SNX25: variants seen among roughly 807,000 people sequenced by gnomAD.
SNX25 encodes sorting nexin-25.
In SNX25, 62 loss-of-function variants were observed where a neutral mutation model predicts 113.7. The ratio of observed to expected loss-of-function variants is 0.55; its 90% CI spans 0.44 to 0.67. The LOEUF is 0.67. Ranked by LOEUF, SNX25 falls within the 30% of genes least tolerant of loss-of-function variation. SNX25 has a pLI of 0.00. For missense variants in SNX25, 1,014 were observed against 1,161.0 expected (o/e 0.87, Z 1.84); for synonymous variants, 421 against 436.2 (o/e 0.97, Z 0.43).
At chr4:185,290,706 T>C (rs755598339) in intron 6 of SNX25, among the ~76,000 whole-genome samples, 27 of 152,242 alleles carry the variant, frequency 1.8e-4, no homozygotes, top group Non-Finnish European at 3.4e-4. Flanking sequence ...TCTGGTTGAA[T>C]TTTAATTATA....
Position 185,280,596 on chromosome 4 carries a change from C to T in SNX25, c.1092-7416C>T, listed in dbSNP as rs545859510. 7.2e-5 allele frequency among the ~76,000 whole-genome samples: 11 copies of T among 152,256 alleles called. 1 individual carries two copies. The highest frequency in any genetic ancestry group is 2.2e-4 in the African/African-American group (9 of 41,544). The stretch of plus-strand genomic sequence containing the variant: ...GCAGACTGAGAAAGTAAAATCTGCC[C>T]AGCCATTTATCAGGCTGGTATAACA... On this transcript the variant is annotated intron_variant, in intron 5 of 18. Transcript: ENST00000652585.
chr4:185,306,589 C>T (rs1049070958), intron 6 of SNX25, among the ~76,000 whole-genome samples: 1 of 152,158 alleles, frequency 6.6e-6, no homozygotes, highest in African/African-American at 2.4e-5. Context: ...CAGTTTTCTC[C>T]TATATTTCTC....
At chr4:185,375,455 C>CAAAAAAAAAAAAAA in the SNX25 span, among the ~76,000 whole-genome samples, 2 of 14,774 alleles carry the variant, frequency 1.4e-4, 1 homozygote, top group African/African-American at 4.4e-4. Context: ...GACTCCGTCT[C>CAAAAAAAAAAAAAA]AAAAAAAAAA....
intron 5 of SNX25, among the ~76,000 whole-genome samples, chr4:185,280,577 T>C (rs1008006668): frequency 6.6e-6 from 1 of 152,190 alleles, no homozygotes; most frequent in African/African-American, 2.4e-5. Flanking sequence ...TGGTGCAGAC[T>C]GAGAAAGTAA....
In SNX25 at chr4:185,353,425, C is replaced by G. The variant is rs540207012; in HGVS notation, c.2467-60C>G. 1.1e-5 allele frequency: 14 copies of G among 1,318,720 alleles called. No homozygotes were observed. In the East Asian group the frequency reaches 1.2e-4, roughly 11 times the overall value. 81.7% of individuals were successfully genotyped at this position (1,318,720 alleles called of 1,614,324 possible). ...GGAATTTACACTTGAAGAGGGAGAA[C>G]AACTCTACCAATTTTCTTGGATAAG... On this transcript the variant is annotated intron_variant, in intron 14 of 18. Coordinates refer to ENST00000652585, the MANE Select transcript of SNX25 (RefSeq NM_001378034.2).
chr4:185,363,262 T>C lies in SNX25; in HGVS notation c.2935-123T>C. On this transcript the variant is annotated intron_variant, in intron 18 of 18. Transcript: ENST00000652585. This position sits in a 1 kb window ranked among gnomAD's most constrained non-coding sequence, Gnocchi z 4.2. ...CCAATATTAAATACTGTTTGAGAGT[T>C]ACTTGTTTACTGAGATAATTTCAGA... 1 of 785,686 alleles carries C rather than the reference T, an allele frequency of 1.3e-6. No individual in the cohort carries two copies. 48.7% of individuals were successfully genotyped at this position (785,686 alleles called of 1,614,324 possible).
At chr4:185,347,440 G>A (rs1044030935) in intron 13 of SNX25, among the ~76,000 whole-genome samples, 21 of 151,584 alleles carry the variant, frequency 1.4e-4, no homozygotes, top group African/African-American at 5.1e-4. Context: ...TGGGGGGTTT[G>A]GTGTTTTTTT....
intron 6 of SNX25, among the ~76,000 whole-genome samples, chr4:185,292,392 ATTTGTTTG>A (rs371250837): frequency 7.2e-5 from 11 of 151,922 alleles, no homozygotes; most frequent in African/African-American, 1.9e-4. Flanking sequence ...ACAGGAGTTT[ATTTGTTTG>A]TTTGTTTGTT....
chr4:185,327,588 A>T (rs2095165479), intron 9 of SNX25, among the ~76,000 whole-genome samples: 1 of 152,148 alleles, frequency 6.6e-6, no homozygotes, highest in Non-Finnish European at 1.5e-5. Context: ...GCTAGGGGGT[A>T]TGGCTAATTT....
At chr4:185,250,648 C>G (rs1745496971) in intron 2 of SNX25, among the ~76,000 whole-genome samples, 1 of 151,784 alleles carries the variant, frequency 6.6e-6, no homozygotes, top group South Asian at 2.1e-4. Flanking sequence ...AGATTCCCTT[C>G]TAATTGCTAA....
intron 10 of SNX25, among the ~76,000 whole-genome samples, chr4:185,336,472 C>T (rs953230499): frequency 8.8e-4 from 134 of 152,314 alleles, no homozygotes; most frequent in African/African-American, 3.1e-3. Flanking sequence ...TCTCAAATTC[C>T]ATCCAGGTTG....
Position 185,232,407 on chromosome 4 carries a change from T to C in SNX25, c.430-14887T>C, listed in dbSNP as rs1281929982. 6.6e-6 allele frequency among the ~76,000 whole-genome samples: 1 copy of C among 152,146 alleles called. No individual in the cohort carries two copies. The highest frequency in any genetic ancestry group is 2.4e-5 in the African/African-American group (1 of 41,422). On this transcript the variant is annotated intron_variant, in intron 1 of 18. Coordinates refer to ENST00000652585, the MANE Select transcript of SNX25 (RefSeq NM_001378034.2). This position sits in a 1 kb window ranked among gnomAD's most constrained non-coding sequence, Gnocchi z 4.4. ...CAATTTCCCAATAATGCAATTTTCT[T>C]CCCTTTTATGGGCCGACCCCTCCTC... is the stretch of plus-strand genomic sequence containing the variant.
At chr4:185,240,841 C>G (rs1743797541) in intron 1 of SNX25, among the ~76,000 whole-genome samples, 1 of 139,414 alleles carries the variant, frequency 7.2e-6, no homozygotes, top group Non-Finnish European at 1.6e-5. Context: ...ACTTCTCAGA[C>G]GGGGCGGCCG....
Position 185,349,252 on chromosome 4 carries a change from G to A in SNX25, c.2302-2193G>A, listed in dbSNP as rs115759918. 5.4e-3 allele frequency among the ~76,000 whole-genome samples: 815 copies of A among 152,282 alleles called. 5 individuals are homozygous for A. Among genetic ancestry groups the A allele is most frequent in the South Asian group, 9.1e-3 (44 of 4,816 alleles). On this transcript the variant is annotated intron_variant, in intron 13 of 18. Coordinates refer to ENST00000652585, the MANE Select transcript of SNX25 (RefSeq NM_001378034.2). Reference sequence around the variant, plus strand: ...ATTTGCATTGGGCTGCATGTAGCCCGCGGGCTGTGGGTTGGACAAGCTTGA... The same window carrying A: ...ATTTGCATTGGGCTGCATGTAGCCCACGGGCTGTGGGTTGGACAAGCTTGA...
At chr4:185,261,112 C>CTGTG (rs1486839854) in intron 3 of SNX25, among the ~76,000 whole-genome samples, 1 of 114,516 alleles carries the variant, frequency 8.7e-6, no homozygotes, top group African/African-American at 3.7e-5. Context: ...GTCTGTCTGT[C>CTGTG]TCTGTGTGTG....
intron 5 of SNX25, among the ~76,000 whole-genome samples, chr4:185,271,262 C>A (rs150267280): frequency 6.6e-6 from 1 of 152,202 alleles, no homozygotes; most frequent in Non-Finnish European, 1.5e-5. Flanking sequence ...ATTAGATAAT[C>A]GAGCTTGACA....
intron 18 of SNX25, among the ~76,000 whole-genome samples, 165 bp downstream of exon 18, chr4:185,362,876 C>T (rs1053519874): frequency 4.7e-5 from 6 of 126,626 alleles, no homozygotes; most frequent in Non-Finnish European, 7.9e-5. Context: ...GAGTTTCGCT[C>T]TTGTCCCCCA....
At chr4:185,227,061 A>C (rs531915245) in intron 1 of SNX25, among the ~76,000 whole-genome samples, 86 of 152,268 alleles carry the variant, frequency 5.6e-4, no homozygotes, top group African/African-American at 1.8e-3. Context: ...TGACCAGGTG[A>C]CTGTATCAGT....
At chr4:185,280,421 T>C (rs983628418) in intron 5 of SNX25, among the ~76,000 whole-genome samples, 1 of 152,154 alleles carries the variant, frequency 6.6e-6, no homozygotes, top group African/African-American at 2.4e-5. Flanking sequence ...ATAAACCCAG[T>C]TTTATAAAAC....
Sources: allele counts gnomAD v4.1 joint callset (sites outside exome capture counted in the v4.1 genomes callset), GRCh38; gene constraint gnomAD v4.1.1; non-coding constraint Gnocchi (gnomAD v3.1); transcripts MANE v1.5; gene names NCBI Gene and HGNC (gene_info 2026-07-23, HGNC 2026-07-21).